The following SLC7A2 variants were observed in gnomAD, a reference collection of about 807,000 sequenced individuals.
The protein encoded by SLC7A2 is cationic amino acid transporter 2.
In SLC7A2, 48 loss-of-function variants were observed where a neutral mutation model predicts 58.9. That is an observed-to-expected ratio of 0.82 (90% CI 0.65 to 1.04). SLC7A2 has a LOEUF of 1.04. Ranked by LOEUF, SLC7A2 falls within the 50% of genes least tolerant of loss-of-function variation. The pLI, the probability that SLC7A2 is intolerant of heterozygous loss-of-function variation, is 0.00. For missense variants in SLC7A2, 1,029 were observed against 818.8 expected (o/e 1.26, Z -3.13); for synonymous variants, 363 against 314.5 (o/e 1.15, Z -1.63).
chr8:17,560,104 C>G (rs1413259165), intron 9 of SLC7A2, among the ~76,000 whole-genome samples: 3 of 151,858 alleles, frequency 2.0e-5, no homozygotes, highest in Non-Finnish European at 4.4e-5. Flanking sequence ...TTGTATGACT[C>G]TGATTTGGTG....
At chr8:17,504,943 T>G (rs56312021) in intron 2 of SLC7A2, among the ~76,000 whole-genome samples, 2,123 of 152,302 alleles carry the variant, frequency 0.014, 26 homozygotes, top group Non-Finnish European at 0.022. Context: ...TCCGATCTGC[T>G]GGCCATTCTG....
At chr8:17,514,766 A>T (rs117652016) in intron 2 of SLC7A2, among the ~76,000 whole-genome samples, 1 of 152,260 alleles carries the variant, frequency 6.6e-6, no homozygotes, top group Non-Finnish European at 1.5e-5. Context: ...GTTCAAGTTT[A>T]TGAGTTACAA....
chr8:17,543,438 C>G lies in SLC7A2; in HGVS notation c.99C>G (p.Cys33Trp). 1 of 1,614,192 alleles carries G rather than the reference C, an allele frequency of 6.2e-7. No individual in the cohort carries two copies. Among genetic ancestry groups the G allele is most frequent in the Non-Finnish European group, 8.5e-7 (1 of 1,180,048 alleles). Reference protein sequence around the residue: ...DSLEDTKLCRCLSTMDLIALG... With the variant: ...DSLEDTKLCRWLSTMDLIALG... Reference sequence around the variant, plus strand: ...TAGAAGACACCAAATTATGCCGCTGCTTATCCACCATGGACCTCATTGCCC... The same window carrying G: ...TAGAAGACACCAAATTATGCCGCTGGTTATCCACCATGGACCTCATTGCCC... Residue 33 changes from cysteine to tryptophan, a missense_variant, in exon 3 of 13, where the codon TGC becomes TGG. Transcript: ENST00000494857.
At chr8:17,550,078 C>G (rs1013836141) in intron 5 of SLC7A2, among the ~76,000 whole-genome samples, 6 of 152,158 alleles carry the variant, frequency 3.9e-5, no homozygotes, top group African/African-American at 1.4e-4. Context: ...CATGTGCTAT[C>G]AATCAGCCTG....
chr8:17,535,612 T>C (rs1563457139), intron 2 of SLC7A2, among the ~76,000 whole-genome samples: 1 of 152,130 alleles, frequency 6.6e-6, no homozygotes, highest in African/African-American at 2.4e-5. Context: ...ATAAGAAATT[T>C]ACATTTTTGG....
chr8:17,550,335 G>T lies in SLC7A2; in HGVS notation c.733G>T (p.Gly245Trp). Residue 245 changes from glycine (G) to tryptophan (W), a missense_variant, in exon 6 of 13, where the codon GGG (glycine) becomes TGG (tryptophan). By Grantham distance (184) the Gly-to-Trp change is radical. Coordinates refer to ENST00000494857, the MANE Select transcript of SLC7A2 (RefSeq NM_001370338.1). The part of the protein sequence containing the change: ...PPSENGTSIY[G>W]AGGFMPYGFT... ...TTCTGAAAACGGAACAAGTATCTAT[G>T]GGGCTGGTGGCTTTATGCCTTATGG... The T allele has an allele frequency of 6.2e-7, 1 of 1,614,074 alleles. No individual in the cohort carries two copies. Among genetic ancestry groups the T allele is most frequent in the South Asian group, 1.1e-5 (1 of 91,088 alleles).
At position 17,566,904 on chromosome 8, in the gene SLC7A2, C is replaced by G. The variant is rs1464448717; in HGVS notation, c.*1758C>G. The G allele has an allele frequency of 4.6e-5, 7 of 152,380 alleles. No individual in the cohort carries two copies. The highest frequency in any genetic ancestry group is 1.7e-4 in the African/African-American group (7 of 41,420). The allele number at this position is 152,380 out of a possible 1,614,324, so 9.4% of individuals were successfully genotyped here. On this transcript the variant is annotated 3_prime_UTR_variant, in exon 13 of 13. Coordinates refer to ENST00000494857, the MANE Select transcript of SLC7A2 (RefSeq NM_001370338.1). Reference sequence around the variant, plus strand: ...AGACAAGGAAAACATTCGTTTTCCTCATGGGTCTTCCAAGAAATGAGCTAT... The same window carrying G: ...AGACAAGGAAAACATTCGTTTTCCTGATGGGTCTTCCAAGAAATGAGCTAT...
chr8:17,539,628 G>A (rs1002841458), intron 2 of SLC7A2, among the ~76,000 whole-genome samples: 4 of 152,166 alleles, frequency 2.6e-5, no homozygotes, highest in Admixed American at 6.5e-5. Context: ...GGACAGGGGT[G>A]TGAGTTTTGT....
chr8:17,534,986 T>C (rs1008987198), intron 2 of SLC7A2, among the ~76,000 whole-genome samples: 6 of 152,148 alleles, frequency 3.9e-5, no homozygotes, highest in Non-Finnish European at 8.8e-5. Flanking sequence ...AAGAGTCCCT[T>C]GTGCCTAGAT....
chr8:17,544,557 T>C lies in SLC7A2; in HGVS notation c.483T>C (p.Leu161=), dbSNP rs1409106527. 1 of 1,614,124 alleles carries C rather than the reference T, an allele frequency of 6.2e-7. No homozygotes were observed. Among genetic ancestry groups the C allele is most frequent in the South Asian group, 1.1e-5 (1 of 91,070 alleles). ...RTYFRMNYTG[L]AEYPDFFAVC... ...ACTTCAGAATGAATTACACTGGTCT[T>C]GCAGAATATCCCGATTTTTTTGCTG... is the stretch of plus-strand genomic sequence containing the variant. The change falls in exon 4 of 13, where the codon CTT becomes CTC. Residue 161 remains leucine (L), a synonymous_variant. Coordinates refer to ENST00000494857, the MANE Select transcript of SLC7A2 (RefSeq NM_001370338.1).
At chr8:17,539,296 G>A (rs1801807890) in intron 2 of SLC7A2, among the ~76,000 whole-genome samples, 1 of 152,134 alleles carries the variant, frequency 6.6e-6, no homozygotes, top group Non-Finnish European at 1.5e-5. Flanking sequence ...GGAATAAGGT[G>A]CGTAGAAATG....
chr8:17,504,433 A>T (rs1238776827), intron 2 of SLC7A2, among the ~76,000 whole-genome samples: 1 of 152,206 alleles, frequency 6.6e-6, no homozygotes. Flanking sequence ...ATATTTTTAA[A>T]TGTTTATGTA....
intron 10 of SLC7A2, among the ~76,000 whole-genome samples, chr8:17,561,366 CA>C (rs1309108669): frequency 6.6e-6 from 1 of 152,038 alleles, no homozygotes; most frequent in African/African-American, 2.4e-5. Flanking sequence ...GGTAACCAAG[CA>C]AAAGGGGTTT....
Position 17,548,724 on chromosome 8 carries a change from C to G in SLC7A2, c.579C>G (p.Val193=), listed in dbSNP as rs143533566. 270 of 1,613,464 alleles carry G rather than the reference C, an allele frequency of 1.7e-4. 3 individuals are homozygous for G. The African/African-American group carries it at 2.3e-3, about 14-fold the overall frequency. Residue 193 remains valine (V), a synonymous_variant, in exon 5 of 13, where the codon GTC becomes GTG. Transcript: ENST00000494857. ...AAGAGTCTGCTTGGGTGAATAAAGT[C>G]TTCACAGCTGTTAATATTCTCGTCC... ...GVKESAWVNK[V]FTAVNILVLL...
chr8:17,560,242 T>C, intron 9 of SLC7A2, 86 bp from the exon 10 acceptor site: 2 of 903,814 alleles, frequency 2.2e-6, no homozygotes, highest in Non-Finnish European at 3.6e-6. Context: ...CTCTGTATGA[T>C]GTCTTACTTA....
intron 2 of SLC7A2, among the ~76,000 whole-genome samples, chr8:17,524,143 T>C (rs148502331): frequency 1.3e-5 from 2 of 152,298 alleles, no homozygotes; most frequent in South Asian, 2.1e-4. Flanking sequence ...GGAATACTTT[T>C]ACACTGTTGG....
intron 2 of SLC7A2, among the ~76,000 whole-genome samples, chr8:17,502,647 G>C (rs1017614374): frequency 5.3e-5 from 8 of 152,142 alleles, no homozygotes; most frequent in Non-Finnish European, 1.0e-4. Flanking sequence ...TCATTCCTGA[G>C]AGGTTGGGTG....
At chr8:17,506,463 G>C (rs928949292) in intron 2 of SLC7A2, among the ~76,000 whole-genome samples, 2 of 152,170 alleles carry the variant, frequency 1.3e-5, no homozygotes, top group South Asian at 2.1e-4. Flanking sequence ...AAACTGTCCT[G>C]TGCGAAATTT....
chr8:17,563,811 G>A (rs140491639), intron 12 of SLC7A2, 100 bp downstream of exon 12: 61 of 726,492 alleles, frequency 8.4e-5, no homozygotes, highest in East Asian at 7.6e-4. Context: ...TTTTTTTCCC[G>A]CTTCTTTCTT....
Sources: allele counts gnomAD v4.1 joint callset (sites outside exome capture counted in the v4.1 genomes callset), GRCh38; gene constraint gnomAD v4.1.1; transcripts MANE v1.5; gene names NCBI Gene and HGNC (gene_info 2026-07-23, HGNC 2026-07-21).